The following EXT1 variants were observed in gnomAD, a reference collection of about 807,000 sequenced individuals.
EXT1 encodes the protein exostosin-1.
A neutral mutation model predicts 82.5 loss-of-function variants in EXT1; 20 were observed. The observed-to-expected ratio is 0.24, with a 90% confidence interval of 0.17 to 0.35. The LOEUF is 0.35. Ranked by LOEUF, EXT1 falls within the 10% of genes least tolerant of loss-of-function variation. The pLI is 1.00. For missense variants in EXT1, 757 were observed against 936.5 expected, an observed-to-expected ratio of 0.81 and a Z score of 2.50; for synonymous variants, 348 against 350.8, an observed-to-expected ratio of 0.99 and a Z score of 0.09.
intron 1 of EXT1, among the ~76,000 whole-genome samples, chr8:117,983,548 C>CCCAA (rs1815251380): frequency 1.3e-5 from 2 of 152,042 alleles, no homozygotes; most frequent in South Asian, 4.2e-4. Flanking sequence ...TAGTAACAGC[C>CCCAA]CCAATGTCAC....
At chr8:117,872,013 T>G (rs1812881666) in intron 1 of EXT1, among the ~76,000 whole-genome samples, 1 of 152,000 alleles carries the variant, frequency 6.6e-6, no homozygotes, top group African/African-American at 2.4e-5. Context: ...GTACCTGTAG[T>G]CCCAGCTACT....
In EXT1 at chr8:118,018,717, G is replaced by A. The variant is rs1244851855; in HGVS notation, c.962+91368C>T. ...GTTATTACTAAGCCCTTGGATGTTT[G>A]ATTTACAACAGTTGTGGGTGCATGA... On this transcript the variant is annotated intron_variant, in intron 1 of 10. Coordinates refer to ENST00000378204, the MANE Select transcript of EXT1 (RefSeq NM_000127.3). Among the ~76,000 whole-genome samples, 3 of 152,154 alleles carry A rather than the reference G, an allele frequency of 2.0e-5. No homozygotes were observed. The East Asian group carries it at 5.8e-4, about 29-fold the overall frequency.
chr8:118,029,054 A>T (rs1382025443), intron 1 of EXT1, among the ~76,000 whole-genome samples: 1 of 152,228 alleles, frequency 6.6e-6, no homozygotes, highest in Non-Finnish European at 1.5e-5. Flanking sequence ...GTTCTAGGCA[A>T]TATACAAAGG....
At chr8:117,902,977 T>C (rs1028155712) in intron 1 of EXT1, among the ~76,000 whole-genome samples, 1 of 152,240 alleles carries the variant, frequency 6.6e-6, no homozygotes, top group African/African-American at 2.4e-5. Flanking sequence ...TTCTTTTTAT[T>C]CCACGGACAG....
At chr8:117,907,072 T>C (rs996373708) in intron 1 of EXT1, among the ~76,000 whole-genome samples, 2 of 152,212 alleles carry the variant, frequency 1.3e-5, no homozygotes, top group African/African-American at 4.8e-5. Flanking sequence ...CCCTGACTTC[T>C]CTATAAAGGA....
chr8:118,105,634 T>C (rs762525721), intron 1 of EXT1, among the ~76,000 whole-genome samples: 3 of 152,296 alleles, frequency 2.0e-5, no homozygotes, highest in East Asian at 1.9e-4. Context: ...TAATTTTCCA[T>C]AGGGCTGGCC....
intron 1 of EXT1, among the ~76,000 whole-genome samples, chr8:117,979,379 C>CAAACAAACAAAAAAAA (rs1043635252): frequency 8.6e-6 from 1 of 116,134 alleles, no homozygotes; most frequent in East Asian, 2.5e-4. Flanking sequence ...AACAAACAAA[C>CAAACAAACAAAAAAAA]AAAAAAACAA....
At chr8:117,914,349 C>T (rs529330429) in intron 1 of EXT1, among the ~76,000 whole-genome samples, 93 of 152,162 alleles carry the variant, frequency 6.1e-4, no homozygotes, top group Admixed American at 1.0e-3. Flanking sequence ...ATTGTGTTAA[C>T]GGTATAAATT....
At chr8:118,089,079 T>C (rs946118019) in intron 1 of EXT1, among the ~76,000 whole-genome samples, 2 of 152,132 alleles carry the variant, frequency 1.3e-5, no homozygotes, top group Non-Finnish European at 2.9e-5. Flanking sequence ...ATGGAAAAAA[T>C]AAATTGTATG....
At chr8:118,005,684 C>T (rs1422760922) in intron 1 of EXT1, among the ~76,000 whole-genome samples, 5 of 152,190 alleles carry the variant, frequency 3.3e-5, no homozygotes, top group African/African-American at 7.2e-5. Flanking sequence ...TTCACCACTA[C>T]GCAAAGTGTC....
intron 1 of EXT1, among the ~76,000 whole-genome samples, chr8:117,851,883 G>C (rs1298320781): frequency 6.6e-6 from 1 of 152,190 alleles, no homozygotes; most frequent in Non-Finnish European, 1.5e-5. Context: ...ATGGGCCCCA[G>C]TATAGTCTGA....
intron 1 of EXT1, among the ~76,000 whole-genome samples, chr8:118,041,141 C>G (rs1244742049): frequency 6.6e-6 from 1 of 152,152 alleles, no homozygotes; most frequent in South Asian, 2.1e-4. Flanking sequence ...CTAGGTGGAA[C>G]AGTCTACAAC....
At chr8:117,861,083 G>T (rs551128926) in intron 1 of EXT1, among the ~76,000 whole-genome samples, 20 of 152,302 alleles carry the variant, frequency 1.3e-4, no homozygotes, top group Admixed American at 3.3e-4. Context: ...CTACCCACTG[G>T]AACTATTACT....
At chr8:117,874,115 A>C (rs1812924400) in intron 1 of EXT1, among the ~76,000 whole-genome samples, 1 of 152,218 alleles carries the variant, frequency 6.6e-6, no homozygotes, top group Admixed American at 6.5e-5. Flanking sequence ...AGTTCATTCT[A>C]ACAATGAGAA....
intron 1 of EXT1, among the ~76,000 whole-genome samples, chr8:118,002,381 CAAAAAAA>C (rs772109456): frequency 1.6e-5 from 1 of 61,038 alleles, no homozygotes; most frequent in African/African-American, 6.1e-5. Flanking sequence ...ACTCCGTCTC[CAAAAAAA>C]AAAAAAAAAA....
intron 1 of EXT1, among the ~76,000 whole-genome samples, chr8:118,003,232 G>A (rs1815708749): frequency 6.6e-6 from 1 of 152,064 alleles, no homozygotes; most frequent in Non-Finnish European, 1.5e-5. Context: ...ATGAGAAAAT[G>A]GACTTTGGGG....
intron 1 of EXT1, among the ~76,000 whole-genome samples, chr8:117,889,363 AC>A (rs1474514387): frequency 6.6e-6 from 1 of 152,156 alleles, no homozygotes; most frequent in Admixed American, 6.5e-5. Context: ...TAAAATATAC[AC>A]CGTGAGTTAA....
At chr8:117,864,352 A>ACC (rs796291872) in intron 1 of EXT1, among the ~76,000 whole-genome samples, 4 of 152,288 alleles carry the variant, frequency 2.6e-5, no homozygotes, top group African/African-American at 9.6e-5. Context: ...AACAGTCTAG[A>ACC]CCAGGGTGTC....
intron 1 of EXT1, among the ~76,000 whole-genome samples, chr8:118,035,297 G>T (rs1250925567): frequency 6.6e-6 from 1 of 152,032 alleles, no homozygotes; most frequent in African/African-American, 2.4e-5. Flanking sequence ...GTCGGTGTGC[G>T]GTAGGCCTGC....
Sources: gnomAD v4.1 joint callset for allele counts (sites outside exome capture counted in the v4.1 genomes callset) on GRCh38, gnomAD v4.1.1 for gene constraint, MANE v1.5 for transcripts, NCBI Gene and HGNC (gene_info 2026-07-23, HGNC 2026-07-21) for gene names.